Variants in DLG2 observed in about 807,000 individuals in gnomAD.
DLG2 encodes the protein disks large homolog 2.
A neutral mutation model predicts 132.5 loss-of-function variants in DLG2; 45 were observed. The observed-to-expected ratio is 0.34, with a 90% CI of 0.27 to 0.44. DLG2 has a LOEUF of 0.44. Ranked by LOEUF, DLG2 falls within the 20% of genes least tolerant of loss-of-function variation. The probability of loss-of-function intolerance (pLI) is 1.00; values close to 1 mark genes in which losing one functional copy is unlikely to be tolerated. For synonymous variants in DLG2, 424 were observed against 419.6 expected (o/e 1.01, Z -0.13); for missense variants, 1,045 against 1,196.9 (o/e 0.87, Z 1.87).
At chr11:83,585,576 G>A (rs557633112) in intron 19 of DLG2, among the ~76,000 whole-genome samples, 1 of 152,274 alleles carries the variant, frequency 6.6e-6, no homozygotes, top group Non-Finnish European at 1.5e-5. Flanking sequence ...TAGGATTTGG[G>A]ACTCAAGGAT....
At chr11:85,420,765 T>G (rs2090230995) in intron 3 of DLG2, among the ~76,000 whole-genome samples, 1 of 152,142 alleles carries the variant, frequency 6.6e-6, no homozygotes, top group Non-Finnish European at 1.5e-5. Context: ...CAAGCTTCAG[T>G]AATGGTGGAT....
chr11:84,647,574 T>G (rs2099676509), intron 6 of DLG2, among the ~76,000 whole-genome samples: 1 of 152,222 alleles, frequency 6.6e-6, no homozygotes, highest in African/African-American at 2.4e-5. Flanking sequence ...TTCACTCATT[T>G]CTGCGTTTAT....
intron 6 of DLG2, among the ~76,000 whole-genome samples, chr11:84,885,429 G>A: frequency 6.6e-6 from 1 of 151,896 alleles, no homozygotes; most frequent in African/African-American, 2.4e-5. Flanking sequence ...CAAACTCCTG[G>A]GCTCAAGTGA....
intron 4 of DLG2, among the ~76,000 whole-genome samples, chr11:85,199,662 G>C (rs1175901861): frequency 6.6e-6 from 1 of 152,028 alleles, no homozygotes; most frequent in Non-Finnish European, 1.5e-5. Flanking sequence ...ACCTCTCTTT[G>C]GAAAGTACCA....
intron 9 of DLG2, among the ~76,000 whole-genome samples, chr11:84,121,647 C>T (rs947754652): frequency 8.2e-5 from 12 of 146,508 alleles, no homozygotes; most frequent in African/African-American, 2.8e-4. Flanking sequence ...CTGCAAGTTC[C>T]GCCTCCCGGG....
At chr11:85,279,986 G>A (rs999187905) in intron 4 of DLG2, among the ~76,000 whole-genome samples, 11 of 152,020 alleles carry the variant, frequency 7.2e-5, no homozygotes, top group Admixed American at 7.2e-4. Flanking sequence ...TTTTTGCTTT[G>A]CAAAATGCTT....
intron 3 of DLG2, among the ~76,000 whole-genome samples, chr11:85,299,599 T>C (rs117730670): frequency 1.6e-3 from 242 of 152,338 alleles, no homozygotes; most frequent in Non-Finnish European, 2.3e-3. Context: ...TCCCTACATG[T>C]AAACTTTGCA....
rs371285075 is a variant in DLG2 at position 84,508,400 on chromosome 11, CTT to C, written c.519+26168_519+26169del. On this transcript the variant is annotated intron_variant, in intron 7 of 27. Transcript: ENST00000376104. ...CAAATGCTATCTTTTCTTTCTTTACCTTTTTTTTTTTTTTTCTCTTTTTTAGA... is the reference window on the plus strand; with the variant it reads ...CAAATGCTATCTTTTCTTTCTTTACCTTTTTTTTTTTTTCTCTTTTTTAGA... Among the ~76,000 whole-genome samples the C allele has an allele frequency of 3.7e-3, 520 of 141,074 alleles. 3 individuals carry two copies. Among genetic ancestry groups the C allele is most frequent in the African/African-American group, 0.011 (414 of 38,412 alleles). 92.6% of individuals were successfully genotyped at this position (141,074 alleles called of 152,430 possible). A position where few individuals can be genotyped will look rare whatever the true frequency, so the allele number is the denominator to read the frequency against.
intron 7 of DLG2, among the ~76,000 whole-genome samples, chr11:84,479,713 A>G (rs531497856): frequency 3.3e-5 from 5 of 152,174 alleles, no homozygotes; most frequent in Non-Finnish European, 7.4e-5. Context: ...TTAGAAAAAA[A>G]TATATTTTTA....
At chr11:84,140,615 T>C (rs533099918) in intron 9 of DLG2, among the ~76,000 whole-genome samples, 1 of 152,270 alleles carries the variant, frequency 6.6e-6, no homozygotes, top group African/African-American at 2.4e-5. Flanking sequence ...TTACGGAGCT[T>C]TGAATAAGTT....
intron 6 of DLG2, among the ~76,000 whole-genome samples, chr11:85,085,943 T>C (rs1051154308): frequency 2.0e-5 from 3 of 152,174 alleles, no homozygotes; most frequent in Non-Finnish European, 2.9e-5. Context: ...AAACAAGCTC[T>C]ATGTCTATCC....
intron 4 of DLG2, among the ~76,000 whole-genome samples, chr11:85,210,020 C>A (rs745964271): frequency 1.3e-5 from 2 of 152,060 alleles, no homozygotes; most frequent in Non-Finnish European, 2.9e-5. Flanking sequence ...TCAATAACAC[C>A]TGCCCTCATC....
intron 7 of DLG2, among the ~76,000 whole-genome samples, chr11:84,299,338 T>C (rs1269963945): frequency 6.6e-6 from 1 of 152,214 alleles, no homozygotes; most frequent in African/African-American, 2.4e-5. Context: ...TGAAGAGATC[T>C]AGGAGGCTAC....
intron 8 of DLG2, among the ~76,000 whole-genome samples, chr11:84,191,361 T>C (rs904435597): frequency 1.3e-5 from 2 of 152,206 alleles, no homozygotes; most frequent in African/African-American, 4.8e-5. Flanking sequence ...CTACTGTATA[T>C]GACTTTAACT....
intron 8 of DLG2, among the ~76,000 whole-genome samples, chr11:84,223,559 T>C (rs1386213242): frequency 6.7e-6 from 1 of 148,952 alleles, no homozygotes; most frequent in Non-Finnish European, 1.5e-5. Flanking sequence ...TATGTGACTT[T>C]TTTTTTTTTT....
At chr11:84,340,088 G>C (rs553973484) in intron 7 of DLG2, among the ~76,000 whole-genome samples, 1 of 152,270 alleles carries the variant, frequency 6.6e-6, no homozygotes, top group Admixed American at 6.5e-5. Context: ...AGAAAACGTA[G>C]AGAAAAAGTA....
intron 3 of DLG2, among the ~76,000 whole-genome samples, chr11:85,539,886 C>G (rs761413798): frequency 5.3e-5 from 8 of 152,206 alleles, no homozygotes; most frequent in Non-Finnish European, 1.0e-4. Context: ...GAGGCCATTT[C>G]AGCTGGGGCT....
chr11:84,724,967 T>G (rs1281108949), intron 6 of DLG2, among the ~76,000 whole-genome samples: 1 of 152,154 alleles, frequency 6.6e-6, no homozygotes, highest in African/African-American at 2.4e-5. Context: ...AAAACATCTG[T>G]TCAGACATTA....
intron 10 of DLG2, among the ~76,000 whole-genome samples, chr11:84,093,080 CACTT>C (rs1212694017): frequency 2.0e-5 from 3 of 151,452 alleles, no homozygotes; most frequent in Non-Finnish European, 4.4e-5. Context: ...AATTACCACA[CACTT>C]ACACACTTAC....
Sources: gnomAD v4.1 joint callset for allele counts (sites outside exome capture counted in the v4.1 genomes callset) on GRCh38, gnomAD v4.1.1 for gene constraint, MANE v1.5 for transcripts, NCBI Gene and HGNC (gene_info 2026-07-23, HGNC 2026-07-21) for gene names.